Variants in ARSL observed in about 807,000 individuals in gnomAD.
ARSL encodes the protein arylsulfatase L, also known as arylsulfatase E (chondrodysplasia punctata 1).
ARSL carries 4 observed loss-of-function variants against 31.1 expected under a neutral mutation model. That is an observed-to-expected ratio of 0.13 (90% CI 0.06 to 0.29). The LOEUF (loss-of-function observed/expected upper bound fraction) is 0.29. ARSL is among the 10% of genes least tolerant of loss of function. The pLI, the probability that ARSL is intolerant of heterozygous loss-of-function variation, is 1.00. For missense variants in ARSL, 312 were observed against 497.8 expected, an observed-to-expected ratio of 0.63 and a Z score of 3.55; for synonymous variants, 198 against 209.9, an observed-to-expected ratio of 0.94 and a Z score of 0.49.
chrX:2,953,320 GTTAT>G, intron 4 of ARSL, 55 bp from the exon 5 acceptor site: 2 of 1,144,463 alleles, frequency 1.7e-6, no homozygotes, highest in Non-Finnish European at 1.2e-6. Context: ...TTTCCTGTTT[GTTAT>G]TTATTATTTA....
At chrX:2,965,308 C>T (rs752395061), upstream of ARSL, among the ~76,000 whole-genome samples, 165 of 109,870 alleles carry the variant, frequency 1.5e-3, 1 homozygote, top group Non-Finnish European at 2.6e-3. Flanking sequence ...CGAGACTAGC[C>T]TGGCCAACAT....
intron 1 of ARSL, 67 bp from the exon 2 acceptor site, chrX:2,960,487 G>A: frequency 9.4e-7 from 1 of 1,065,125 alleles, no homozygotes; most frequent in Middle Eastern, 2.5e-4. Context: ...AAATAAAACA[G>A]TAAGTAAGTA....
chrX:2,951,527 G>A (rs759209506), intron 5 of ARSL, among the ~76,000 whole-genome samples: 1 of 103,494 alleles, frequency 9.7e-6, no homozygotes, highest in Non-Finnish European at 1.9e-5. Flanking sequence ...TATAATCCCA[G>A]CACTTTGGGA....
At position 2,940,606 on chromosome X, in the gene ARSL, G is replaced by A. The variant is rs6641671; in HGVS notation, c.1127-2349C>T. ...AAGGGAGTGACTGCTATGAGTAGAG[G>A]ATTTTTTTGTGAGGTGATGAAATGT... On this transcript the variant is annotated intron_variant, in intron 8 of 10. Transcript: ENST00000381134. Among the ~76,000 whole-genome samples, 5 of 111,910 alleles carry A rather than the reference G, an allele frequency of 4.5e-5. No individual in the cohort carries two copies. The East Asian group carries it at 1.4e-3, about 32-fold the overall frequency.
chrX:2,960,313 G>C (rs2089605505), intron 2 of ARSL, 65 bp downstream of exon 2: 2 of 599,625 alleles, frequency 3.3e-6, no homozygotes, highest in Non-Finnish European at 5.2e-6. Context: ...AGAAGGGAAG[G>C]AAGGAAGAGA....
chrX:2,962,058 A>T (rs891938532), intron 1 of ARSL, among the ~76,000 whole-genome samples: 4 of 109,813 alleles, frequency 3.6e-5, no homozygotes, highest in Middle Eastern at 4.2e-3. Context: ...GGAAATGTTT[A>T]AATCTATGTA....
Position 2,943,226 on chromosome X carries a change from C to T in ARSL, c.992-27G>A, listed in dbSNP as rs772546549. 48 of 1,205,808 alleles carry T rather than the reference C, an allele frequency of 4.0e-5. No homozygotes were observed. The Admixed American group carries it at 4.4e-4, about 11-fold the overall frequency. On this transcript the variant is annotated intron_variant, in intron 7 of 10. Coordinates refer to ENST00000381134, the MANE Select transcript of ARSL (RefSeq NM_000047.3). ...TGCAAAGAACAGATGTTTTTGGGGC[C>T]GTCGAAATGGAAAAATATCAGAAAT...
intron 5 of ARSL, among the ~76,000 whole-genome samples, chrX:2,951,614 CAAA>C (rs1164575386): frequency 2.1e-4 from 6 of 28,890 alleles, no homozygotes; most frequent in Admixed American, 5.2e-4. Flanking sequence ...CCCATCTCTA[CAAA>C]AAAAAAAAAA....
chrX:2,937,706 C>T (rs1308785332), intron 9 of ARSL, among the ~76,000 whole-genome samples: 2 of 111,218 alleles, frequency 1.8e-5, no homozygotes, highest in Middle Eastern at 4.2e-3. Flanking sequence ...AGTCAACTTA[C>T]TGAGGCTCCA....
chrX:2,940,667 T>A (rs1308001348), intron 8 of ARSL, among the ~76,000 whole-genome samples: 2 of 108,199 alleles, frequency 1.8e-5, no homozygotes, highest in Non-Finnish European at 3.8e-5. Context: ...ATGTGGTGGC[T>A]CATGCCTGCT....
chrX:2,938,370 GTC>G, intron 8 of ARSL, 113 bp from the exon 9 acceptor site: 1 of 996,889 alleles, frequency 1.0e-6, no homozygotes, highest in Non-Finnish European at 1.4e-6. Context: ...CTCTCCCTGA[GTC>G]TCTCAATTTC....
chrX:2,957,303 A>G (rs1489308133), intron 3 of ARSL, among the ~76,000 whole-genome samples: 1 of 110,021 alleles, frequency 9.1e-6, no homozygotes, highest in African/African-American at 3.3e-5. Context: ...CCTGGCCTTA[A>G]GTGATCCTCC....
intron 5 of ARSL, among the ~76,000 whole-genome samples, chrX:2,950,513 A>G (rs211642): frequency 0.44 from 48,880 of 110,242 alleles, 8,040 homozygotes; most frequent in Middle Eastern, 0.55. Flanking sequence ...CCAGGTGGAG[A>G]TAATTGAATC....
Sources: allele counts gnomAD v4.1 joint callset (sites outside exome capture counted in the v4.1 genomes callset), GRCh38; gene constraint gnomAD v4.1.1; transcripts MANE v1.5; gene names NCBI Gene and HGNC (gene_info 2026-07-23, HGNC 2026-07-21).